The following TSPEAR variants were observed in gnomAD, a reference collection of about 807,000 sequenced individuals.
The protein encoded by TSPEAR is thrombospondin-type laminin G domain and EAR repeat-containing protein.
A neutral mutation model predicts 71.6 loss-of-function variants in TSPEAR; 69 were observed. The observed-to-expected ratio is 0.96, with a 90% CI of 0.79 to 1.18. TSPEAR has a LOEUF of 1.18. TSPEAR is among the 50% of genes most tolerant of loss of function. The pLI, the probability that TSPEAR is intolerant of heterozygous loss-of-function variation, is 0.00. For missense variants in TSPEAR, 971 were observed against 894.9 expected (o/e 1.09, Z -1.09); for synonymous variants, 402 against 387.2 (o/e 1.04, Z -0.45).
At chr21:44,694,980 G>A (rs77158910) in intron 1 of TSPEAR, among the ~76,000 whole-genome samples, 1,796 of 152,352 alleles carry the variant, frequency 0.012, 45 homozygotes, top group African/African-American at 0.041. Context: ...CCCTGGACTT[G>A]CCCCAAGGGG....
chr21:44,627,209 A>G (rs199682594), intron 1 of TSPEAR: 9 of 1,612,504 alleles, frequency 5.6e-6, no homozygotes, highest in African/African-American at 4.0e-5. Context: ...TCCAGCGCTT[A>G]CTCCGACTCC....
chr21:44,640,683 CA>C (rs1555938369), intron 1 of TSPEAR, among the ~76,000 whole-genome samples: 9 of 152,214 alleles, frequency 5.9e-5, no homozygotes, highest in Non-Finnish European at 1.5e-5. Context: ...ATGCCATCCA[CA>C]GACCAGGTCA....
At position 44,710,253 on chromosome 21, in the gene TSPEAR, C is replaced by G. The variant is rs1988148511; in HGVS notation, c.82+1180G>C. Among the ~76,000 whole-genome samples the G allele has an allele frequency of 6.6e-6, 1 of 152,216 alleles. No homozygotes were observed. Among genetic ancestry groups the G allele is most frequent in the African/African-American group, 2.4e-5 (1 of 41,448 alleles). ...CAGAATCACCCAGTTCCAAGGCAGT[C>G]CCTGCGGGCAGGTGCAGCTGTGCGG... On this transcript the variant is annotated intron_variant, in intron 1 of 11. Transcript: ENST00000323084. The surrounding 1 kb of genome is among the most constrained non-coding windows in gnomAD (Gnocchi z 4.6).
chr21:44,581,801 C>T (rs587629630), intron 1 of TSPEAR, among the ~76,000 whole-genome samples: 11 of 152,296 alleles, frequency 7.2e-5, no homozygotes, highest in African/African-American at 2.6e-4. Context: ...TTTTTCCCCT[C>T]GTTTCACTGG....
chr21:44,681,914 G>C (rs1264537078), intron 1 of TSPEAR: 2 of 1,614,016 alleles, frequency 1.2e-6, no homozygotes, highest in African/African-American at 2.7e-5. Flanking sequence ...CAGAGGACTG[G>C]CAGGAGGGAG....
chr21:44,504,929 G>C, intron 10 of TSPEAR, 48 bp from the exon 11 acceptor site: 1 of 1,483,620 alleles, frequency 6.7e-7, no homozygotes, highest in Admixed American at 1.7e-5. Context: ...ACATCGCCAG[G>C]GAACTGGGGG....
intron 1 of TSPEAR, among the ~76,000 whole-genome samples, chr21:44,569,498 T>G (rs1601425971): frequency 6.6e-6 from 1 of 151,740 alleles, no homozygotes; most frequent in Admixed American, 6.6e-5. Flanking sequence ...GGGCCAAGGA[T>G]GGAAAGGATG....
Position 44,546,348 on chromosome 21 carries a change from CTT to C in TSPEAR, c.304-12427_304-12426del, listed in dbSNP as rs1555917746. 6.6e-6 allele frequency among the ~76,000 whole-genome samples: 1 copy of C among 152,150 alleles called. No homozygotes were observed. The highest frequency in any genetic ancestry group is 2.4e-5 in the African/African-American group (1 of 41,446). Reference sequence around the variant, plus strand: ...GTTTTATTTACCTTGAAATGAATCACTTTCTCTTCAGAGTCTCGCTCTGTTGC... The same window carrying C: ...GTTTTATTTACCTTGAAATGAATCACTCTCTTCAGAGTCTCGCTCTGTTGC... On this transcript the variant is annotated intron_variant, in intron 2 of 11. Coordinates refer to ENST00000323084, the MANE Select transcript of TSPEAR (RefSeq NM_144991.3). The surrounding 1 kb of genome is among the most constrained non-coding windows in gnomAD (Gnocchi z 4.4).
rs587607015 is a variant in TSPEAR, at chr21:44,524,120, TAGTC to T, written c.1336+1529_1336+1532del. The stretch of plus-strand genomic sequence containing the variant: ...TGAGGTAGTCAGGTAGTCAGTCAGA[TAGTC>T]AGTCAGTCAGTGAGGTAGTCAGTCA... On this transcript the variant is annotated intron_variant, in intron 8 of 11. Transcript: ENST00000323084. Among the ~76,000 whole-genome samples the T allele has an allele frequency of 2.6e-3, 368 of 141,534 alleles. 5 individuals carry two copies. Among genetic ancestry groups the T allele is most frequent in the South Asian group, 0.014 (64 of 4,714 alleles). The allele number at this position is 141,534 out of a possible 152,430, so 92.9% of individuals were successfully genotyped here.
At chr21:44,667,836 A>G (rs1270720661) in intron 1 of TSPEAR, among the ~76,000 whole-genome samples, 1 of 152,252 alleles carries the variant, frequency 6.6e-6, no homozygotes, top group Non-Finnish European at 1.5e-5. Context: ...CTCAATTGAT[A>G]TAGAAAAGGC....
At chr21:44,586,645 G>A (rs1979357865) in intron 1 of TSPEAR, among the ~76,000 whole-genome samples, 1 of 150,628 alleles carries the variant, frequency 6.6e-6, no homozygotes, top group Admixed American at 6.7e-5. Context: ...CCCAGCCTCA[G>A]GCACCTACTC....
chr21:44,504,404 G>C (rs1259863942), intron 11 of TSPEAR, among the ~76,000 whole-genome samples: 1 of 120,314 alleles, frequency 8.3e-6, no homozygotes, highest in Non-Finnish European at 1.7e-5. Flanking sequence ...GTGAGCCCTC[G>C]GGGGAAGCAA....
At chr21:44,613,010 G>A in intron 1 of TSPEAR, 1 of 1,360,228 alleles carries the variant, frequency 7.4e-7, no homozygotes, top group Non-Finnish European at 1.0e-6. Context: ...CCTGTGCTGA[G>A]GTGACCTCTC....
At chr21:44,690,546 GAAC>G (rs1386958824) in intron 1 of TSPEAR, 12 of 985,270 alleles carry the variant, frequency 1.2e-5, no homozygotes, top group Non-Finnish European at 1.4e-5. Flanking sequence ...CAGACTCACA[GAAC>G]AACACTCATG....
At chr21:44,550,392 G>A (rs2053387737) in intron 2 of TSPEAR, 1 of 581,232 alleles carries the variant, frequency 1.7e-6, no homozygotes, top group South Asian at 2.2e-5. Context: ...CTCAGAGGCA[G>A]AGGGTGACGC....
chr21:44,589,371 T>C (rs1979594974), intron 1 of TSPEAR, among the ~76,000 whole-genome samples: 1 of 152,220 alleles, frequency 6.6e-6, no homozygotes. Flanking sequence ...TTTAGGCTTC[T>C]TCCACTTCTT....
In TSPEAR at chr21:44,593,228, C is replaced by T. The variant is rs1281551670; in HGVS notation, c.83-25223G>A. On this transcript the variant is annotated intron_variant, in intron 1 of 11. Transcript: ENST00000323084. This position sits in a 1 kb window ranked among gnomAD's most constrained non-coding sequence, Gnocchi z 5.9. ...CCTGCAGAGTAACCGTGCTGAGCAG[C>T]GGGCGGTCAGCAGCCCTCGTCCCCG... Among the ~76,000 whole-genome samples the T allele has an allele frequency of 7.9e-5, 12 of 152,162 alleles. No individual in the cohort carries two copies. Among genetic ancestry groups the T allele is most frequent in the African/African-American group, 2.9e-4 (12 of 41,442 alleles).
intron 1 of TSPEAR, among the ~76,000 whole-genome samples, chr21:44,699,930 C>T (rs1261513837): frequency 6.6e-6 from 1 of 152,204 alleles, no homozygotes; most frequent in African/African-American, 2.4e-5. Context: ...CTGCCCTGGC[C>T]CTGCCATCTT....
intron 1 of TSPEAR, among the ~76,000 whole-genome samples, chr21:44,661,740 G>A (rs1238405667): frequency 2.0e-5 from 3 of 152,162 alleles, no homozygotes; most frequent in South Asian, 2.1e-4. Context: ...GGCACATCAC[G>A]TGGCCAGAGC....
Sources: gnomAD v4.1 joint callset for allele counts (sites outside exome capture counted in the v4.1 genomes callset) on GRCh38, gnomAD v4.1.1 for gene constraint, Gnocchi (gnomAD v3.1) non-coding constraint, MANE v1.5 for transcripts, NCBI Gene and HGNC (gene_info 2026-07-23, HGNC 2026-07-21) for gene names.